The following MYRIP variants were observed in gnomAD, a reference collection of about 807,000 sequenced individuals.
The protein encoded by MYRIP is myosin VIIA and Rab interacting protein.
A neutral mutation model predicts 98.0 loss-of-function variants in MYRIP; 49 were observed. The ratio of observed to expected loss-of-function variants is 0.50; its 90% confidence interval spans 0.40 to 0.63. The LOEUF (loss-of-function observed/expected upper bound fraction) is 0.63, where lower values mean the gene tolerates loss of function less well. Among genes scored for constraint, MYRIP ranks in the 30% least tolerant of loss-of-function variants. The pLI is 0.00. For synonymous variants in MYRIP, 404 were observed against 409.5 expected, an observed-to-expected ratio of 0.99 and a Z score of 0.16; for missense variants, 1,004 against 1,058.2, an observed-to-expected ratio of 0.95 and a Z score of 0.71.
intron 1 of MYRIP, among the ~76,000 whole-genome samples, chr3:39,841,268 G>A (rs915214537): frequency 4.0e-5 from 6 of 151,890 alleles, no homozygotes; most frequent in African/African-American, 7.3e-5. Context: ...TATGCTTCAC[G>A]AAGTTCTCGT....
chr3:39,814,809 T>G (rs1940841503), intron 1 of MYRIP, among the ~76,000 whole-genome samples: 1 of 152,232 alleles, frequency 6.6e-6, no homozygotes, highest in Non-Finnish European at 1.5e-5. Context: ...TGAAAATTCC[T>G]GTTATAATTT....
chr3:40,085,009 CGATA>C lies in MYRIP; in HGVS notation c.332+40743_332+40746del, dbSNP rs544901669. Reference sequence around the variant, plus strand: ...GATAATATATATCTGTGTTATATATCGATAGATAATATATATCTATGTGTTATAT... The same window carrying C: ...GATAATATATATCTGTGTTATATATCGATAATATATATCTATGTGTTATAT... On this transcript the variant is annotated intron_variant, in intron 3 of 16. Coordinates refer to ENST00000302541, the MANE Select transcript of MYRIP (RefSeq NM_015460.4). 8.1e-4 allele frequency among the ~76,000 whole-genome samples: 121 copies of C among 149,754 alleles called. 1 individual carries two copies. Among genetic ancestry groups the C allele is most frequent in the Admixed American group, 3.0e-3 (45 of 15,006 alleles).
chr3:40,065,622 C>A (rs912590757), intron 3 of MYRIP, among the ~76,000 whole-genome samples: 2 of 152,162 alleles, frequency 1.3e-5, no homozygotes, highest in Non-Finnish European at 2.9e-5. Flanking sequence ...GAAGATGTTA[C>A]ATAGGCATGT....
At chr3:39,852,048 C>G (rs1160074366) in intron 1 of MYRIP, among the ~76,000 whole-genome samples, 1 of 152,050 alleles carries the variant, frequency 6.6e-6, no homozygotes, top group Non-Finnish European at 1.5e-5. Flanking sequence ...ACTTAGCAAT[C>G]AACAATTTAG....
intron 2 of MYRIP, among the ~76,000 whole-genome samples, chr3:40,032,541 TCCA>T (rs1168248401): frequency 6.6e-6 from 1 of 152,126 alleles, no homozygotes; most frequent in East Asian, 1.9e-4. Context: ...GTCTATTAGG[TCCA>T]CTTGGTGCAG....
intron 1 of MYRIP, among the ~76,000 whole-genome samples, chr3:39,823,265 C>T (rs538089036): frequency 2.6e-5 from 4 of 152,260 alleles, no homozygotes; most frequent in South Asian, 4.1e-4. Flanking sequence ...CTGCCCGCCT[C>T]GGCCTCCCAA....
At chr3:40,247,082 TTGAA>T (rs1294303825) in intron 13 of MYRIP, among the ~76,000 whole-genome samples, 1 of 152,256 alleles carries the variant, frequency 6.6e-6, no homozygotes, top group East Asian at 1.9e-4. Flanking sequence ...CAAATACTTC[TTGAA>T]TGATTTTGCA....
intron 2 of MYRIP, among the ~76,000 whole-genome samples, chr3:39,940,416 A>G (rs1029034768): frequency 6.6e-6 from 1 of 152,090 alleles, no homozygotes; most frequent in Non-Finnish European, 1.5e-5. Flanking sequence ...GGGACATTGG[A>G]TTATATTATT....
In MYRIP at chr3:40,195,266, A is replaced by T. The variant is rs79393612; in HGVS notation, c.1665+4803A>T. Among the ~76,000 whole-genome samples, 803 of 152,280 alleles carry T rather than the reference A, an allele frequency of 5.3e-3. 5 individuals are homozygous for T. The highest frequency in any genetic ancestry group is 0.018 in the African/African-American group (753 of 41,566). On this transcript the variant is annotated intron_variant, in intron 10 of 16. Coordinates refer to ENST00000302541, the MANE Select transcript of MYRIP (RefSeq NM_015460.4). ...CGTGACTGCTTTTTGGCAGTAGATG[A>T]TCATAGACTTTTTCTTTTTTATTTT...
At chr3:39,845,968 T>A (rs931259436) in intron 1 of MYRIP, among the ~76,000 whole-genome samples, 1 of 152,192 alleles carries the variant, frequency 6.6e-6, no homozygotes, top group African/African-American at 2.4e-5. Flanking sequence ...TGAGATGACC[T>A]TCCTGCAGTC....
chr3:40,099,132 C>T (rs1252165029), intron 3 of MYRIP, among the ~76,000 whole-genome samples: 1 of 152,142 alleles, frequency 6.6e-6, no homozygotes, highest in African/African-American at 2.4e-5. Flanking sequence ...CGATTTTGCC[C>T]TGCCTATGTA....
intron 3 of MYRIP, among the ~76,000 whole-genome samples, chr3:40,084,804 ATATC>A (rs1355948236): frequency 2.1e-5 from 1 of 48,508 alleles, no homozygotes; most frequent in East Asian, 5.8e-4. Context: ...TAGATAATAT[ATATC>A]TATGTGTTAC....
chr3:40,036,935 TG>T (rs1232587486), intron 2 of MYRIP, among the ~76,000 whole-genome samples: 6 of 152,112 alleles, frequency 3.9e-5, no homozygotes. Context: ...AGTCCAAATA[TG>T]CATGTTAATA....
rs1280054910 is a variant in MYRIP at position 40,260,218 on chromosome 3, T to C, written c.*2052T>C. ...AGAAAATGAGGACAACAGGATAATA[T>C]CTTTGATGACTTCTGAAAGTTATGC... On this transcript the variant is annotated 3_prime_UTR_variant, in exon 17 of 17. Coordinates refer to ENST00000302541, the MANE Select transcript of MYRIP (RefSeq NM_015460.4). The C allele has an allele frequency of 6.6e-6, 1 of 152,200 alleles. No individual in the cohort carries two copies. Among genetic ancestry groups the C allele is most frequent in the Admixed American group, 6.5e-5 (1 of 15,278 alleles). The allele number at this position is 152,200 out of a possible 1,614,324, so 9.4% of individuals were successfully genotyped here.
At chr3:40,230,411 C>A (rs1484181962) in intron 11 of MYRIP, among the ~76,000 whole-genome samples, 1 of 152,202 alleles carries the variant, frequency 6.6e-6, no homozygotes, top group East Asian at 1.9e-4. Flanking sequence ...CCATCCAGTG[C>A]TAAATATAAG....
chr3:40,086,495 T>C (rs1948629963), intron 3 of MYRIP, among the ~76,000 whole-genome samples: 1 of 152,038 alleles, frequency 6.6e-6, no homozygotes, highest in South Asian at 2.1e-4. Context: ...AGCCTAGGAG[T>C]CCAGGTGAGA....
intron 1 of MYRIP, among the ~76,000 whole-genome samples, chr3:39,881,817 T>C (rs1445849360): frequency 1.3e-5 from 2 of 152,150 alleles, no homozygotes; most frequent in African/African-American, 4.8e-5. Context: ...GATTTCAGTT[T>C]TTTTCACTAT....
intron 2 of MYRIP, among the ~76,000 whole-genome samples, chr3:39,960,930 C>T (rs1356231598): frequency 1.3e-5 from 2 of 152,134 alleles, no homozygotes; most frequent in East Asian, 1.9e-4. Context: ...ACAGGAACCT[C>T]ATGGTGAGGA....
At chr3:39,889,642 C>T (rs9823096) in intron 1 of MYRIP, among the ~76,000 whole-genome samples, 49,025 of 151,866 alleles carry the variant, frequency 0.32, 8,061 homozygotes, top group Middle Eastern at 0.46. Flanking sequence ...AACTAACCTG[C>T]GCATTGTGCA....
Sources: allele counts gnomAD v4.1 joint callset (sites outside exome capture counted in the v4.1 genomes callset), GRCh38; gene constraint gnomAD v4.1.1; transcripts MANE v1.5; gene names NCBI Gene and HGNC (gene_info 2026-07-23, HGNC 2026-07-21).